The following EML6 variants were observed in gnomAD, a reference collection of about 807,000 sequenced individuals.
EML6 encodes the protein echinoderm microtubule-associated protein-like 6.
In EML6, 154 loss-of-function variants were observed where a neutral mutation model predicts 240.1. The observed-to-expected ratio is 0.64, with a 90% CI of 0.56 to 0.73. The LOEUF is 0.73. EML6 is among the 30% of genes least tolerant of loss of function. The pLI, the probability that EML6 is intolerant of heterozygous loss-of-function variation, is 0.00. For missense variants in EML6, 2,964 were observed against 2,474.6 expected (o/e 1.20, Z -4.20); for synonymous variants, 1,148 against 899.0 (o/e 1.28, Z -4.95).
intron 28 of EML6, among the ~76,000 whole-genome samples, chr2:54,940,993 G>C (rs1402488512): frequency 6.6e-6 from 1 of 152,216 alleles, no homozygotes; most frequent in Non-Finnish European, 1.5e-5. Context: ...GAGAAAACGG[G>C]AAGGATGTAG....
At chr2:54,731,987 A>G (rs1683196880) in intron 2 of EML6, among the ~76,000 whole-genome samples, 1 of 152,070 alleles carries the variant, frequency 6.6e-6, no homozygotes, top group South Asian at 2.1e-4. Flanking sequence ...TCTTTTTTTT[A>G]CTATTGCCAG....
intron 17 of EML6, among the ~76,000 whole-genome samples, chr2:54,889,187 A>T (rs1269903262): frequency 6.6e-6 from 1 of 152,116 alleles, no homozygotes; most frequent in Non-Finnish European, 1.5e-5. Context: ...TACTGTTTTA[A>T]TTATGGAGCC....
chr2:54,833,023 G>A (rs977091279), intron 7 of EML6, among the ~76,000 whole-genome samples: 1 of 152,204 alleles, frequency 6.6e-6, no homozygotes, highest in East Asian at 1.9e-4. Flanking sequence ...GAAATGTAGC[G>A]ATTTCTCATC....
At chr2:54,889,796 A>G (rs1422395210) in intron 17 of EML6, among the ~76,000 whole-genome samples, 1 of 152,240 alleles carries the variant, frequency 6.6e-6, no homozygotes, top group African/African-American at 2.4e-5. Flanking sequence ...TATATGTTCA[A>G]TACGATGTTA....
chr2:54,942,878 C>G (rs1162175784), intron 28 of EML6, among the ~76,000 whole-genome samples: 1 of 152,184 alleles, frequency 6.6e-6, no homozygotes, highest in Non-Finnish European at 1.5e-5. Flanking sequence ...TCCCCAAGTT[C>G]ATCAGCCCTT....
intron 28 of EML6, among the ~76,000 whole-genome samples, chr2:54,947,707 G>A (rs952735879): frequency 1.1e-4 from 16 of 152,324 alleles, no homozygotes; most frequent in South Asian, 2.1e-4. Context: ...GGGCGCATTC[G>A]TAAAGTCACG....
chr2:54,965,551 C>T (rs1275817305), intron 38 of EML6, among the ~76,000 whole-genome samples: 1 of 152,136 alleles, frequency 6.6e-6, no homozygotes, highest in Non-Finnish European at 1.5e-5. Flanking sequence ...CCTGAGCATT[C>T]CGGAAGCAGA....
chr2:54,952,694 TAGG>T lies in EML6; in HGVS notation c.4312+6_4312+8del, dbSNP rs762161097. On this transcript the variant is annotated splice_donor_5th_base_variant and intron_variant, in intron 31 of 41. Coordinates refer to ENST00000356458, the MANE Select transcript of EML6 (RefSeq NM_001039753.4). The stretch of plus-strand genomic sequence containing the variant: ...ACGTGGTGGCCACCAGCCAGATAGG[TAGG>T]AGGTCCTGTGGCAGCTGAGGCTCTC... 30 of 1,547,178 alleles carry T rather than the reference TAGG, an allele frequency of 1.9e-5. 1 individual carries two copies. In the East Asian group the frequency reaches 2.0e-4, roughly 10 times the overall value.
At chr2:54,964,841 A>C in intron 38 of EML6, 108 bp downstream of exon 38, 1 of 987,620 alleles carries the variant, frequency 1.0e-6, no homozygotes, top group Non-Finnish European at 1.5e-6. Flanking sequence ...GTGCTAACTC[A>C]CTCTTCACCA....
intron 2 of EML6, among the ~76,000 whole-genome samples, chr2:54,751,713 G>T (rs1684172273): frequency 6.6e-6 from 1 of 152,050 alleles, no homozygotes; most frequent in Non-Finnish European, 1.5e-5. Context: ...ATTCCATGTT[G>T]GCACACAGTA....
chr2:54,878,965 A>T (rs1671670085), intron 16 of EML6, among the ~76,000 whole-genome samples: 3 of 152,240 alleles, frequency 2.0e-5, no homozygotes, highest in Admixed American at 6.5e-5. Flanking sequence ...TCCTATAACA[A>T]GTACACTACA....
At chr2:54,879,927 T>C (rs2103979445) in intron 17 of EML6, 2 of 290,190 alleles carry the variant, frequency 6.9e-6, no homozygotes, top group Middle Eastern at 1.0e-3. Flanking sequence ...ACTTCAGCAA[T>C]AGAAAAGCAG....
chr2:54,916,330 G>A (rs1673907474), intron 25 of EML6, among the ~76,000 whole-genome samples: 2 of 152,182 alleles, frequency 1.3e-5, no homozygotes, highest in African/African-American at 2.4e-5. Context: ...TATGCTACTG[G>A]CATCCAGTGG....
chr2:54,879,767 C>T lies in EML6; in HGVS notation c.2438+127C>T, dbSNP rs537057298. ...GAAATTGACGTAGAAGGCTTAGCAC[C>T]TAAGTGAAAAAATACTGCAGTATTT... On this transcript the variant is annotated intron_variant, in intron 17 of 41. Transcript: ENST00000356458. 4.5e-6 allele frequency: 3 copies of T among 660,822 alleles called. No homozygotes were observed. The South Asian group carries it at 5.9e-5, about 13-fold the overall frequency. 40.9% of individuals were successfully genotyped at this position (660,822 alleles called of 1,614,324 possible).
At chr2:54,921,624 C>T (rs992068710) in intron 26 of EML6, among the ~76,000 whole-genome samples, 1 of 151,988 alleles carries the variant, frequency 6.6e-6, no homozygotes, top group Non-Finnish European at 1.5e-5. Context: ...ATAGCCAAAG[C>T]AATCCCAAGA....
chr2:54,820,278 T>C (rs1383548927), intron 4 of EML6, 116 bp from the exon 5 acceptor site: 2 of 656,246 alleles, frequency 3.0e-6, no homozygotes, highest in Non-Finnish European at 2.7e-6. Context: ...TTTTATTCTG[T>C]GCAGGTAACA....
intron 5 of EML6, among the ~76,000 whole-genome samples, chr2:54,826,476 T>C (rs1389373171): frequency 6.6e-6 from 1 of 152,152 alleles, no homozygotes; most frequent in Non-Finnish European, 1.5e-5. Context: ...GGCACATGCC[T>C]GTAGTCCCAG....
chr2:54,867,803 ATCAT>A (rs574351336), intron 14 of EML6: 1 of 152,314 alleles, frequency 6.6e-6, no homozygotes, highest in East Asian at 1.9e-4. Flanking sequence ...GCTATTTTAC[ATCAT>A]TCATATTTCT....
intron 5 of EML6, among the ~76,000 whole-genome samples, chr2:54,825,425 C>T (rs991361238): frequency 1.3e-5 from 2 of 152,092 alleles, no homozygotes; most frequent in African/African-American, 4.8e-5. Context: ...TGTGCTACCA[C>T]TCCAGGCTAA....
Sources: gnomAD v4.1 joint callset for allele counts (sites outside exome capture counted in the v4.1 genomes callset) on GRCh38, gnomAD v4.1.1 for gene constraint, MANE v1.5 for transcripts, NCBI Gene and HGNC (gene_info 2026-07-23, HGNC 2026-07-21) for gene names.